Variants in CDKN2AIP observed in about 807,000 individuals in gnomAD.
CDKN2AIP encodes CDKN2A-interacting protein.
In CDKN2AIP, 12 loss-of-function variants were observed where a neutral mutation model predicts 44.1. The ratio of observed to expected loss-of-function variants is 0.27; its 90% CI spans 0.17 to 0.44. The LOEUF (loss-of-function observed/expected upper bound fraction) is 0.44. Among genes scored for constraint, CDKN2AIP ranks in the 20% least tolerant of loss-of-function variants. CDKN2AIP has a pLI of 1.00. For missense variants in CDKN2AIP, 705 were observed against 681.6 expected (o/e 1.03, Z -0.38); for synonymous variants, 291 against 272.1 (o/e 1.07, Z -0.68).
chr4:183,448,087 T>C lies in CDKN2AIP; in HGVS notation c.*660T>C, dbSNP rs187782419. The C allele has an allele frequency of 5.3e-5, 8 of 152,344 alleles. No homozygotes were observed. Among genetic ancestry groups the C allele is most frequent in the Admixed American group, 2.0e-4 (3 of 15,306 alleles). 9.4% of individuals were successfully genotyped at this position (152,344 alleles called of 1,614,324 possible). A position where few individuals can be genotyped will look rare whatever the true frequency, so the allele number is the denominator to read the frequency against. ...TGAGGTGGAATACAATTTACACTTT[T>C]TTCTTAAAAACATGAATGTGGGTTT... On this transcript the variant is annotated 3_prime_UTR_variant, in exon 3 of 3. Transcript: ENST00000504169.
At position 183,448,675 on chromosome 4, in the gene CDKN2AIP, A is replaced by G. The variant is rs1314387616; in HGVS notation, c.*1248A>G. On this transcript the variant is annotated 3_prime_UTR_variant, in exon 3 of 3. Coordinates refer to ENST00000504169, the MANE Select transcript of CDKN2AIP (RefSeq NM_017632.4). ...TATAGAGAGAAAAGAAAGACCTTTCATGGGCCAGTTGTGTTGGAATAGGAA... is the reference window on the plus strand; with the variant it reads ...TATAGAGAGAAAAGAAAGACCTTTCGTGGGCCAGTTGTGTTGGAATAGGAA... 6.6e-6 allele frequency among the ~76,000 whole-genome samples: 1 copy of G among 152,162 alleles called. No individual in the cohort carries two copies. Among genetic ancestry groups the G allele is most frequent in the Non-Finnish European group, 1.5e-5 (1 of 68,002 alleles).
rs1366312410 is a variant in CDKN2AIP, at chr4:183,447,926, A to G, written c.*499A>G. The G allele has an allele frequency of 6.6e-6, 1 of 152,306 alleles. No individual in the cohort carries two copies. Among genetic ancestry groups the G allele is most frequent in the Non-Finnish European group, 1.5e-5 (1 of 68,022 alleles). The allele number at this position is 152,306 out of a possible 1,614,324, so 9.4% of individuals were successfully genotyped here. ...ATAAAAGAAAAAATAGTTGCTTCAA[A>G]CTATTTTTATGAGAAGTTGTAAGCA... is the stretch of plus-strand genomic sequence containing the variant. On this transcript the variant is annotated 3_prime_UTR_variant, in exon 3 of 3. Transcript: ENST00000504169.
In CDKN2AIP at chr4:183,448,601, T is replaced by G. The variant is rs1188905493; in HGVS notation, c.*1174T>G. ...GATGTTATTTTTGTGGTTTCTGGCT[T>G]TCTAGATTCTATTTTTAGATACTGC... On this transcript the variant is annotated 3_prime_UTR_variant, in exon 3 of 3. Coordinates refer to ENST00000504169, the MANE Select transcript of CDKN2AIP (RefSeq NM_017632.4). Among the ~76,000 whole-genome samples, 1 of 152,166 alleles carries G rather than the reference T, an allele frequency of 6.6e-6. No individual in the cohort carries two copies. Among genetic ancestry groups the G allele is most frequent in the African/African-American group, 2.4e-5 (1 of 41,448 alleles).
At chr4:183,445,508 T>C in intron 1 of CDKN2AIP, 27 bp from the exon 2 acceptor site, 1 of 1,595,922 alleles carries the variant, frequency 6.3e-7, no homozygotes, top group Non-Finnish European at 8.6e-7. Context: ...AAACACTTTT[T>C]AAAAATGACT....
Position 183,446,271 on chromosome 4 carries a change from T to C in CDKN2AIP, c.587T>C (p.Ile196Thr). Reference sequence around the variant, plus strand: ...GGGAACTCAGCTCGGAGCTCTGGCATCTCCAGTCAGAATAGCTCTACAAGT... The same window carrying C: ...GGGAACTCAGCTCGGAGCTCTGGCACCTCCAGTCAGAATAGCTCTACAAGT... ...ESGNSARSSG[I>T]SSQNSSTSDG... The change falls in exon 3 of 3, where the codon ATC (isoleucine) becomes ACC (threonine). Residue 196 changes from isoleucine (I) to threonine (T), a missense_variant. Physicochemically the swap from Ile to Thr is moderately conservative, Grantham distance 89. Around this residue, in one of 2 missense-constraint regions of CDKN2AIP, gnomAD observed 592 missense variants for 518.0 expected, o/e 1.14. Transcript: ENST00000504169. The C allele has an allele frequency of 6.2e-7, 1 of 1,614,026 alleles. No homozygotes were observed.
At chr4:183,445,211 A>C (rs1274798616) in intron 1 of CDKN2AIP, 142 bp downstream of exon 1, 16 of 971,266 alleles carry the variant, frequency 1.6e-5, no homozygotes, top group Non-Finnish European at 1.9e-5. Context: ...GCTGCCCTCT[A>C]AGGGGGAGAA....
chr4:183,445,282 G>T, intron 1 of CDKN2AIP: 1 of 645,038 alleles, frequency 1.6e-6, no homozygotes, highest in Non-Finnish European at 2.6e-6. Context: ...TGGTGTGGGC[G>T]CAGCTGCTGG....
At position 183,448,466 on chromosome 4, in the gene CDKN2AIP, A is replaced by C. The variant is rs1488505461; in HGVS notation, c.*1039A>C. ...CAGCTCTTGATAATGAGCCTATTCAATTTAACTACATTCGTTAAAATGAAG... is the reference window on the plus strand; with the variant it reads ...CAGCTCTTGATAATGAGCCTATTCACTTTAACTACATTCGTTAAAATGAAG... On this transcript the variant is annotated 3_prime_UTR_variant, in exon 3 of 3. Transcript: ENST00000504169. Among the ~76,000 whole-genome samples, 1 of 152,178 alleles carries C rather than the reference A, an allele frequency of 6.6e-6. No individual in the cohort carries two copies. The highest frequency in any genetic ancestry group is 1.5e-5 in the Non-Finnish European group (1 of 68,008).
chr4:183,445,700 T>C (rs779132351), intron 2 of CDKN2AIP, 35 bp downstream of exon 2: 4 of 1,551,610 alleles, frequency 2.6e-6, no homozygotes, highest in Non-Finnish European at 3.5e-6. Context: ...TACATAGGAG[T>C]TTAGAGCATA....
Position 183,446,218 on chromosome 4 carries a change from T to G in CDKN2AIP, c.534T>G (p.Cys178Trp), listed in dbSNP as rs148244824. ...ASAQQENSST[C>W]IGSAIKSESG... ...CTCAGCAGGAAAACAGTTCAACGTG[T>G]ATAGGGTCGGCCATCAAATCAGAGA... The change falls in exon 3 of 3, where the codon TGT becomes TGG. Residue 178 changes from cysteine to tryptophan, a missense_variant. Coordinates refer to ENST00000504169, the MANE Select transcript of CDKN2AIP (RefSeq NM_017632.4). 220 of 1,614,164 alleles carry G rather than the reference T, an allele frequency of 1.4e-4. 1 individual carries two copies. In the Admixed American group the frequency reaches 1.6e-3, roughly 12 times the overall value.
chr4:183,444,713 G>C lies in CDKN2AIP; in HGVS notation c.-85G>C, dbSNP rs768536881. On this transcript the variant is annotated 5_prime_UTR_variant, in exon 1 of 3. Transcript: ENST00000504169. ...AGGGGCGTTATCTGGAGGGCCGCGG[G>C]TGCAGGCCGCAGTGACAGGGCCGCT... 4 of 1,359,700 alleles carry C rather than the reference G, an allele frequency of 2.9e-6. No individual in the cohort carries two copies. The highest frequency in any genetic ancestry group is 2.6e-4 in the Middle Eastern group (1 of 3,788). The allele number at this position is 1,359,700 out of a possible 1,614,324, so 84.2% of individuals were successfully genotyped here. A position where few individuals can be genotyped will look rare whatever the true frequency, so the allele number is the denominator to read the frequency against.
intron 1 of CDKN2AIP, 87 bp downstream of exon 1, chr4:183,445,156 T>A: frequency 6.8e-7 from 1 of 1,469,446 alleles, no homozygotes; most frequent in Non-Finnish European, 9.1e-7. Flanking sequence ...GGGACCGGCC[T>A]CGGCGGGGAG....
In CDKN2AIP at chr4:183,446,150, C is replaced by G. The variant is rs758705657; in HGVS notation, c.466C>G (p.Gln156Glu). ...IEGKNSSAVE[Q>E]DHAKTSAKTE... ...AGGAAAAAACAGTTCTGCAGTTGAGCAAGATCACGCAAAAACCTCTGCCAA... is the reference window on the plus strand; with the variant it reads ...AGGAAAAAACAGTTCTGCAGTTGAGGAAGATCACGCAAAAACCTCTGCCAA... The change falls in exon 3 of 3, where the codon CAA becomes GAA. Residue 156 changes from glutamine to glutamate, a missense_variant. Physicochemically the swap from Gln to Glu is conservative, Grantham distance 29. Around this residue, in one of 2 missense-constraint regions of CDKN2AIP, gnomAD observed 592 missense variants for 518.0 expected, o/e 1.14. Transcript: ENST00000504169. The G allele has an allele frequency of 2.5e-6, 4 of 1,613,734 alleles. No homozygotes were observed. The highest frequency in any genetic ancestry group is 3.4e-6 in the Non-Finnish European group (4 of 1,179,662).
At position 183,444,784 on chromosome 4, in the gene CDKN2AIP, C is replaced by G. The variant is rs1733624648; in HGVS notation, c.-14C>G. The G allele has an allele frequency of 6.6e-7, 1 of 1,513,384 alleles. No homozygotes were observed. Among genetic ancestry groups the G allele is most frequent in the Non-Finnish European group, 8.9e-7 (1 of 1,122,372 alleles). 93.7% of individuals were successfully genotyped at this position (1,513,384 alleles called of 1,614,324 possible). A position where few individuals can be genotyped will look rare whatever the true frequency, so the allele number is the denominator to read the frequency against. On this transcript the variant is annotated 5_prime_UTR_variant, in exon 1 of 3. Transcript: ENST00000504169. Reference sequence around the variant, plus strand: ...TCTCCCGGTGCAGCTGTGTTCGCGGCCTGCAGGCCCAACATGGCGCAGGAG... The same window carrying G: ...TCTCCCGGTGCAGCTGTGTTCGCGGGCTGCAGGCCCAACATGGCGCAGGAG...
Position 183,446,540 on chromosome 4 carries a change from T to C in CDKN2AIP, c.856T>C (p.Ser286Pro). ...TTCAGCCTCAGCTTCTCAAAGCAGC[T>C]CAGAGATCGAGGTGCCCTTGTTGGG... ...GSSASASQSS[S>P]EIEVPLLGSS... Residue 286 changes from serine (S) to proline (P), a missense_variant, in exon 3 of 3, where the codon TCA becomes CCA. By Grantham distance (74) the Ser-to-Pro change is moderately conservative. Around this residue, in one of 2 missense-constraint regions of CDKN2AIP, gnomAD observed 592 missense variants for 518.0 expected, o/e 1.14. Transcript: ENST00000504169. 1.9e-6 allele frequency: 3 copies of C among 1,614,102 alleles called. No individual in the cohort carries two copies. The highest frequency in any genetic ancestry group is 2.5e-6 in the Non-Finnish European group (3 of 1,179,926).
Position 183,446,500 on chromosome 4 carries a change from T to G in CDKN2AIP, c.816T>G (p.Ser272Arg). ...AACAAAGTGGATCACCTAAAAAGAGTGCTTTGGAAGGCTCTTCAGCCTCAG... is the reference window on the plus strand; with the variant it reads ...AACAAAGTGGATCACCTAAAAAGAGGGCTTTGGAAGGCTCTTCAGCCTCAG... ...SRQQSGSPKKSALEGSSASAS... is the reference protein window; with the variant it reads ...SRQQSGSPKKRALEGSSASAS... Residue 272 changes from serine (S) to arginine (R), a missense_variant, in exon 3 of 3, where the codon AGT becomes AGG. This residue lies in a region of CDKN2AIP where 592 missense variants were observed against 518.0 expected (regional missense o/e 1.14). Transcript: ENST00000504169. 6.2e-7 allele frequency: 1 copy of G among 1,613,708 alleles called. No homozygotes were observed. Among genetic ancestry groups the G allele is most frequent in the Non-Finnish European group, 8.5e-7 (1 of 1,179,722 alleles).
At chr4:183,445,358 G>A in intron 1 of CDKN2AIP, 177 bp from the exon 2 acceptor site, 1 of 626,248 alleles carries the variant, frequency 1.6e-6, no homozygotes, top group East Asian at 2.7e-5. Context: ...TTAGTGAGGA[G>A]GTGCCCTGCC....
At position 183,447,355 on chromosome 4, in the gene CDKN2AIP, A is replaced by G. The variant is rs1445413356; in HGVS notation, c.1671A>G (p.Leu557=). ...RKYRGSEIED[L]VLLDEESRPV... is the part of the protein sequence containing the mutation. ...ACAGAGGCAGTGAAATAGAAGATCTAGTACTCCTTGATGAAGAATCGAGGC... is the reference window on the plus strand; with the variant it reads ...ACAGAGGCAGTGAAATAGAAGATCTGGTACTCCTTGATGAAGAATCGAGGC... The change falls in exon 3 of 3, where the codon CTA becomes CTG. Residue 557 remains leucine (L), a synonymous_variant. Coordinates refer to ENST00000504169, the MANE Select transcript of CDKN2AIP (RefSeq NM_017632.4). The G allele has an allele frequency of 5.0e-6, 8 of 1,593,636 alleles. No individual in the cohort carries two copies. The highest frequency in any genetic ancestry group is 6.8e-6 in the Non-Finnish European group (8 of 1,171,800).
chr4:183,444,750 T>C lies in CDKN2AIP; in HGVS notation c.-48T>C, dbSNP rs1168709725. ...GTGACAGGGCCGCTCGCCCCGCTAG[T>C]CCTGCCTGTCTCCCGGTGCAGCTGT... On this transcript the variant is annotated 5_prime_UTR_variant, in exon 1 of 3. Transcript: ENST00000504169. The C allele has an allele frequency of 9.5e-6, 14 of 1,473,784 alleles. No homozygotes were observed. The highest frequency in any genetic ancestry group is 1.1e-5 in the Non-Finnish European group (12 of 1,105,714). The allele number at this position is 1,473,784 out of a possible 1,614,324, so 91.3% of individuals were successfully genotyped here.
Sources: allele counts gnomAD v4.1 joint callset (sites outside exome capture counted in the v4.1 genomes callset), GRCh38; gene constraint gnomAD v4.1.1; regional missense constraint gnomAD v4.1.1; transcripts MANE v1.5; gene names NCBI Gene and HGNC (gene_info 2026-07-23, HGNC 2026-07-21).